CHN1: variants seen among roughly 807,000 people sequenced by gnomAD.
CHN1 encodes N-chimaerin.
Under a neutral mutation model 59.5 loss-of-function variants are expected in CHN1, and 37 were observed. The observed-to-expected ratio is 0.62, with a 90% CI of 0.48 to 0.82. The LOEUF is 0.82. CHN1 is among the 40% of genes least tolerant of loss of function. The pLI, the probability that CHN1 is intolerant of heterozygous loss-of-function variation, is 0.00. For synonymous variants in CHN1, 206 were observed against 200.4 expected (o/e 1.03, Z -0.24); for missense variants, 469 against 571.0 (o/e 0.82, Z 1.82).
chr2:174,842,388 G>C (rs561156324), intron 7 of CHN1, among the ~76,000 whole-genome samples: 2 of 152,014 alleles, frequency 1.3e-5, no homozygotes, highest in Non-Finnish European at 1.5e-5. Context: ...TCAACGTATT[G>C]AAAATTTGTC....
chr2:174,826,977 T>C (rs1414371739), intron 7 of CHN1, among the ~76,000 whole-genome samples: 1 of 152,186 alleles, frequency 6.6e-6, no homozygotes, highest in Non-Finnish European at 1.5e-5. Context: ...GTAGCTTATG[T>C]AGCTCTCCAT....
chr2:174,982,370 C>T (rs1280569059), intron 1 of CHN1, among the ~76,000 whole-genome samples: 1 of 152,128 alleles, frequency 6.6e-6, no homozygotes, highest in African/African-American at 2.4e-5. Flanking sequence ...GAGGAATTGC[C>T]ACACTGACTT....
At chr2:174,849,757 T>C (rs1453549977) in intron 6 of CHN1, among the ~76,000 whole-genome samples, 1 of 152,170 alleles carries the variant, frequency 6.6e-6, no homozygotes, top group Admixed American at 6.6e-5. Context: ...AGATAAACCC[T>C]ATGAGGCATA....
At chr2:174,937,551 A>C (rs1689534674) in intron 3 of CHN1, among the ~76,000 whole-genome samples, 1 of 152,154 alleles carries the variant, frequency 6.6e-6, no homozygotes, top group South Asian at 2.1e-4. Context: ...TTTTCTCTCA[A>C]CATTTCAGTG....
At chr2:174,905,878 G>A (rs1410898968) in intron 5 of CHN1, among the ~76,000 whole-genome samples, 2 of 152,116 alleles carry the variant, frequency 1.3e-5, no homozygotes, top group African/African-American at 4.8e-5. Context: ...GTTTTTAAAT[G>A]AAATACCATT....
At chr2:174,960,748 G>A (rs570642597) in intron 1 of CHN1, among the ~76,000 whole-genome samples, 10 of 152,082 alleles carry the variant, frequency 6.6e-5, no homozygotes, top group Non-Finnish European at 1.2e-4. Context: ...TTTGAACCCA[G>A]GAGGCAGAGG....
intron 6 of CHN1, among the ~76,000 whole-genome samples, chr2:174,853,485 T>C (rs1368819385): frequency 1.3e-5 from 2 of 152,198 alleles, no homozygotes; most frequent in Admixed American, 6.5e-5. Flanking sequence ...AGAACACTTA[T>C]ACAATGTTGG....
chr2:174,991,944 G>T (rs753336808), intron 1 of CHN1, among the ~76,000 whole-genome samples: 2 of 152,166 alleles, frequency 1.3e-5, no homozygotes, highest in Non-Finnish European at 2.9e-5. Context: ...GAAACTGTCA[G>T]TCTAGAAAAG....
intron 6 of CHN1, among the ~76,000 whole-genome samples, chr2:174,873,074 A>T (rs1214111131): frequency 6.6e-6 from 1 of 151,724 alleles, no homozygotes; most frequent in Non-Finnish European, 1.5e-5. Context: ...TATACAGGAT[A>T]AACACACTAT....
intron 5 of CHN1, among the ~76,000 whole-genome samples, chr2:174,885,190 G>A (rs1184570285): frequency 6.6e-6 from 1 of 150,976 alleles, no homozygotes; most frequent in Non-Finnish European, 1.5e-5. Context: ...CAGGAGAATC[G>A]CTTGAACCCG....
intron 7 of CHN1, among the ~76,000 whole-genome samples, chr2:174,843,766 G>T (rs1405708523): frequency 7.9e-5 from 12 of 151,812 alleles, no homozygotes; most frequent in Admixed American, 5.9e-4. Context: ...GTATCTACAT[G>T]TACTGGGAAC....
rs1442517701 is a variant in CHN1, at chr2:174,838,030, A to ACC, written c.627+8849_627+8850insGG. Reference sequence around the variant, plus strand: ...ACAATAATTGAAGCAAGATGATAAGACATGTACGTATTCTTTAGGTACATG... The same window carrying ACC: ...ACAATAATTGAAGCAAGATGATAAGACCCATGTACGTATTCTTTAGGTACATG... On this transcript the variant is annotated intron_variant, in intron 7 of 12. Coordinates refer to ENST00000409900, the MANE Select transcript of CHN1 (RefSeq NM_001822.7). Among the ~76,000 whole-genome samples, 3 of 152,350 alleles carry ACC rather than the reference A, an allele frequency of 2.0e-5. No homozygotes were observed. In the East Asian group the frequency reaches 5.8e-4, roughly 29 times the overall value.
chr2:174,906,768 G>C (rs981558625), intron 5 of CHN1, among the ~76,000 whole-genome samples: 7 of 151,868 alleles, frequency 4.6e-5, no homozygotes, highest in African/African-American at 1.7e-4. Context: ...TTTGGTCCAG[G>C]AAAAAAATGA....
intron 1 of CHN1, among the ~76,000 whole-genome samples, chr2:174,999,441 C>G (rs1389031876): frequency 6.6e-6 from 1 of 152,160 alleles, no homozygotes; most frequent in Non-Finnish European, 1.5e-5. Flanking sequence ...CCCTCACCAG[C>G]CCCAGCAAGG....
rs34847523 is a variant in CHN1 at position 174,869,806 on chromosome 2, C to T, written c.549+8034G>A. Among the ~76,000 whole-genome samples the T allele has an allele frequency of 4.5e-3, 692 of 152,124 alleles. 1 individual carries two copies. Among genetic ancestry groups the T allele is most frequent in the Non-Finnish European group, 7.2e-3 (492 of 67,992 alleles). On this transcript the variant is annotated intron_variant, in intron 6 of 12. Transcript: ENST00000409900. ...TCTCACTATGAACTTAGGCAGCAGCCCAAAGCCATTCTAAAGTTAATAAGC... is the reference window on the plus strand; with the variant it reads ...TCTCACTATGAACTTAGGCAGCAGCTCAAAGCCATTCTAAAGTTAATAAGC...
intron 1 of CHN1, among the ~76,000 whole-genome samples, chr2:174,985,191 C>T (rs1691299154): frequency 6.6e-6 from 1 of 152,106 alleles, no homozygotes; most frequent in African/African-American, 2.4e-5. Context: ...TAGCTCTTTC[C>T]ATTGAAATTA....
intron 6 of CHN1, chr2:174,847,178 G>C: frequency 6.6e-7 from 1 of 1,516,442 alleles, no homozygotes; most frequent in Non-Finnish European, 8.8e-7. Context: ...TATGTCTGTC[G>C]ATGATATCTA....
rs1303003847 is a variant in CHN1 at position 174,800,185 on chromosome 2, T to A, written c.1311A>T (p.Ala437=). 3 of 1,533,466 alleles carry A rather than the reference T, an allele frequency of 2.0e-6. No homozygotes were observed. The highest frequency in any genetic ancestry group is 2.8e-5 in the African/African-American group (2 of 72,202). 95.0% of individuals were successfully genotyped at this position (1,533,466 alleles called of 1,614,324 possible). ...MRSPELDAMA[A]LNDIRYQRLV... ...GTCTCTGATACCGTATATCATTCAA[T>A]GCAGCCATGGCGTCTAGTTCTGGAG... The change falls in exon 13 of 13, where the codon GCA becomes GCT. Residue 437 remains alanine (A), a synonymous_variant. Coordinates refer to ENST00000409900, the MANE Select transcript of CHN1 (RefSeq NM_001822.7).
chr2:174,827,866 T>C (rs1334429610), intron 7 of CHN1, among the ~76,000 whole-genome samples: 1 of 151,888 alleles, frequency 6.6e-6, no homozygotes. Flanking sequence ...TTAACAGAGG[T>C]ACAAAAGTAG....
Sources: allele counts gnomAD v4.1 joint callset (sites outside exome capture counted in the v4.1 genomes callset), GRCh38; gene constraint gnomAD v4.1.1; transcripts MANE v1.5; gene names NCBI Gene and HGNC (gene_info 2026-07-23, HGNC 2026-07-21).